Variants in KCNH8 observed in about 807,000 individuals in gnomAD.
The protein encoded by KCNH8 is voltage-gated delayed rectifier potassium channel KCNH8.
A neutral mutation model predicts 103.6 loss-of-function variants in KCNH8; 70 were observed. The ratio of observed to expected loss-of-function variants is 0.68; its 90% CI spans 0.56 to 0.82. KCNH8 has a LOEUF of 0.82. KCNH8 is among the 40% of genes least tolerant of loss of function. The pLI is 0.00. For missense variants in KCNH8, 1,217 were observed against 1,329.9 expected (o/e 0.92, Z 1.32); for synonymous variants, 498 against 489.4 (o/e 1.02, Z -0.23).
intron 5 of KCNH8, among the ~76,000 whole-genome samples, chr3:19,383,516 C>T (rs891518529): frequency 1.3e-4 from 19 of 151,618 alleles, no homozygotes; most frequent in African/African-American, 1.9e-4. Context: ...GGACTACAGG[C>T]GCCCGCCACT....
chr3:19,274,395 C>G (rs2064632873), intron 2 of KCNH8, among the ~76,000 whole-genome samples: 1 of 152,154 alleles, frequency 6.6e-6, no homozygotes, highest in Non-Finnish European at 1.5e-5. Context: ...GCCTCTTTAT[C>G]TCCAGTTCTC....
At position 19,337,969 on chromosome 3, in the gene KCNH8, AAC is replaced by A. The variant is rs1172457702; in HGVS notation, c.443-4605_443-4604del. 6.6e-5 allele frequency among the ~76,000 whole-genome samples: 10 copies of A among 150,778 alleles called. No homozygotes were observed. The South Asian group carries it at 1.3e-3, about 19-fold the overall frequency. The stretch of plus-strand genomic sequence containing the variant: ...GGTGAGGGAGACAGAAAAAAAAATA[AAC>A]ACACACACACACGCAGAGAGAGAGA... On this transcript the variant is annotated intron_variant, in intron 3 of 15. Transcript: ENST00000328405.
intron 4 of KCNH8, among the ~76,000 whole-genome samples, chr3:19,344,304 G>A (rs758673488): frequency 8.6e-5 from 13 of 152,036 alleles, no homozygotes; most frequent in Non-Finnish European, 1.2e-4. Context: ...AGCTTTTAGT[G>A]GAGAATTTAA....
At chr3:19,307,373 A>C (rs2065144211) in intron 3 of KCNH8, among the ~76,000 whole-genome samples, 1 of 151,998 alleles carries the variant, frequency 6.6e-6, no homozygotes. Context: ...ATTTTACCCC[A>C]GTTAGGATGG....
intron 11 of KCNH8, among the ~76,000 whole-genome samples, chr3:19,457,191 G>GA (rs1402130423): frequency 1.3e-5 from 2 of 151,924 alleles, no homozygotes; most frequent in Non-Finnish European, 2.9e-5. Context: ...TATTTTTCAT[G>GA]AATGACTTCT....
At chr3:19,223,614 C>T (rs866990205) in intron 1 of KCNH8, among the ~76,000 whole-genome samples, 2 of 152,192 alleles carry the variant, frequency 1.3e-5, no homozygotes, top group Admixed American at 6.5e-5. Flanking sequence ...ACTGTGCTTT[C>T]TAGGTTTACT....
intron 13 of KCNH8, among the ~76,000 whole-genome samples, chr3:19,514,713 T>G (rs539491496): frequency 1.3e-5 from 2 of 151,936 alleles, no homozygotes; most frequent in South Asian, 4.2e-4. Context: ...CTCTGACATT[T>G]AGAGTTTTCT....
chr3:19,519,773 A>G (rs974357116), intron 15 of KCNH8, among the ~76,000 whole-genome samples: 5 of 151,946 alleles, frequency 3.3e-5, no homozygotes, highest in Admixed American at 3.3e-4. Context: ...GCTCTTAGCT[A>G]AAACCACCCA....
chr3:19,297,053 A>T (rs2065005583), intron 3 of KCNH8, among the ~76,000 whole-genome samples: 1 of 152,168 alleles, frequency 6.6e-6, no homozygotes, highest in Non-Finnish European at 1.5e-5. Flanking sequence ...AAGCAAACAC[A>T]TTAGAGTACA....
intron 15 of KCNH8, among the ~76,000 whole-genome samples, chr3:19,531,798 G>C (rs1448459542): frequency 6.6e-6 from 1 of 152,186 alleles, no homozygotes; most frequent in Non-Finnish European, 1.5e-5. Context: ...CAGCAGTCTT[G>C]AATGAATCTT....
At chr3:19,225,590 G>T (rs79132394) in intron 1 of KCNH8, among the ~76,000 whole-genome samples, 8,771 of 152,128 alleles carry the variant, frequency 0.058, 839 homozygotes, top group African/African-American at 0.2. Flanking sequence ...TAATATATTT[G>T]CCCTTCATAT....
intron 4 of KCNH8, among the ~76,000 whole-genome samples, chr3:19,342,991 A>G (rs1239897183): frequency 6.6e-6 from 1 of 152,064 alleles, no homozygotes; most frequent in East Asian, 1.9e-4. Context: ...GCAAATGGGG[A>G]CGCACTGGTT....
chr3:19,354,934 G>A (rs1003186630), intron 5 of KCNH8, among the ~76,000 whole-genome samples: 1 of 152,198 alleles, frequency 6.6e-6, no homozygotes, highest in African/African-American at 2.4e-5. Context: ...TACCATCAGA[G>A]TGAATAGGCA....
intron 5 of KCNH8, among the ~76,000 whole-genome samples, chr3:19,362,767 T>A (rs1559492842): frequency 6.6e-6 from 1 of 152,136 alleles, no homozygotes; most frequent in East Asian, 1.9e-4. Context: ...AGGGTGATGC[T>A]CCTACCTCAG....
At chr3:19,409,859 C>A (rs937323237) in intron 7 of KCNH8, among the ~76,000 whole-genome samples, 1 of 151,976 alleles carries the variant, frequency 6.6e-6, no homozygotes, top group South Asian at 2.1e-4. Flanking sequence ...ACAGGAGCAC[C>A]CAAATTCATA....
At chr3:19,332,491 A>G (rs2065524269) in intron 3 of KCNH8, among the ~76,000 whole-genome samples, 2 of 152,168 alleles carry the variant, frequency 1.3e-5, no homozygotes, top group South Asian at 4.1e-4. Context: ...AATTGTGCAC[A>G]GGGCTTCATG....
chr3:19,216,870 G>A (rs566293481), intron 1 of KCNH8, among the ~76,000 whole-genome samples: 7 of 152,326 alleles, frequency 4.6e-5, no homozygotes, highest in South Asian at 2.1e-4. Context: ...GATCCAGGAC[G>A]CCGATGCTTG....
At chr3:19,245,302 G>A (rs2064190317) in intron 1 of KCNH8, among the ~76,000 whole-genome samples, 1 of 152,028 alleles carries the variant, frequency 6.6e-6, no homozygotes, top group Middle Eastern at 3.2e-3. Context: ...TTTCTATTCT[G>A]TTCCATTGGT....
chr3:19,373,998 T>C (rs1017281019), intron 5 of KCNH8, among the ~76,000 whole-genome samples: 1 of 152,228 alleles, frequency 6.6e-6, no homozygotes, highest in African/African-American at 2.4e-5. Flanking sequence ...CTCTGTTCTT[T>C]TACATTTGCT....
Sources: allele counts gnomAD v4.1 joint callset (sites outside exome capture counted in the v4.1 genomes callset), GRCh38; gene constraint gnomAD v4.1.1; transcripts MANE v1.5; gene names NCBI Gene and HGNC (gene_info 2026-07-23, HGNC 2026-07-21).